Variants in EYA4 observed in about 807,000 individuals in gnomAD.
EYA4 encodes the protein protein phosphatase EYA4.
A neutral mutation model predicts 87.9 loss-of-function variants in EYA4; 31 were observed. That is an observed-to-expected ratio of 0.35 (90% CI 0.27 to 0.48). EYA4 has a LOEUF of 0.48. Ranked by LOEUF, EYA4 falls within the 20% of genes least tolerant of loss-of-function variation. The pLI is 0.99. For synonymous variants in EYA4, 263 were observed against 270.6 expected, an observed-to-expected ratio of 0.97 and a Z score of 0.28; for missense variants, 678 against 761.4, an observed-to-expected ratio of 0.89 and a Z score of 1.29.
chr6:133,274,833 T>G lies in EYA4; in HGVS notation c.33+20T>G. The G allele has an allele frequency of 6.2e-7, 1 of 1,611,732 alleles. No homozygotes were observed. Among genetic ancestry groups the G allele is most frequent in the Non-Finnish European group, 8.5e-7 (1 of 1,178,090 alleles). The stretch of plus-strand genomic sequence containing the variant: ...CAATCAGTAAGTCTTCATTCTCAGT[T>G]TTGCTGAAAAAAGTTGCGATAACAC... On this transcript the variant is annotated intron_variant, in intron 2 of 19. Coordinates refer to ENST00000355286, the MANE Select transcript of EYA4 (RefSeq NM_004100.5).
intron 2 of EYA4, among the ~76,000 whole-genome samples, chr6:133,352,017 A>G (rs2128426984): frequency 6.6e-6 from 1 of 152,000 alleles, no homozygotes; most frequent in South Asian, 2.1e-4. Context: ...GATAGTATTT[A>G]TTGAATCTCT....
At chr6:133,261,802 G>GTTT (rs921919972) in intron 1 of EYA4, among the ~76,000 whole-genome samples, 8 of 152,048 alleles carry the variant, frequency 5.3e-5, no homozygotes, top group African/African-American at 1.7e-4. Flanking sequence ...ATAAAAACAG[G>GTTT]TTTTCTTCCA....
At chr6:133,447,755 GTTTA>G (rs889443992) in intron 4 of EYA4, among the ~76,000 whole-genome samples, 1 of 152,058 alleles carries the variant, frequency 6.6e-6, no homozygotes, top group African/African-American at 2.4e-5. Flanking sequence ...TGTTTATGAT[GTTTA>G]TTTGTCTCTA....
At chr6:133,406,845 A>G (rs3822931) in intron 3 of EYA4, among the ~76,000 whole-genome samples, 4,306 of 152,274 alleles carry the variant, frequency 0.028, 160 homozygotes, top group East Asian at 0.087. Flanking sequence ...TCAGTCTTCT[A>G]TAGGTTTTCG....
At chr6:133,468,486 AC>A in intron 10 of EYA4, 79 bp from the exon 11 acceptor site, 3 of 1,154,588 alleles carry the variant, frequency 2.6e-6, no homozygotes, top group Non-Finnish European at 3.9e-6. Context: ...TCTTTCAGTT[AC>A]CATAATGACT....
chr6:133,268,299 T>C (rs1035414979), intron 1 of EYA4, among the ~76,000 whole-genome samples: 9 of 152,220 alleles, frequency 5.9e-5, no homozygotes, highest in Admixed American at 5.9e-4. Flanking sequence ...GGGGCTGTTT[T>C]TCTTTATTCA....
intron 2 of EYA4, among the ~76,000 whole-genome samples, chr6:133,286,541 T>C (rs546942948): frequency 6.6e-6 from 1 of 152,234 alleles, no homozygotes; most frequent in South Asian, 2.1e-4. Flanking sequence ...CAATGAGTTA[T>C]GTCATAGACT....
intron 3 of EYA4, among the ~76,000 whole-genome samples, chr6:133,419,252 G>A (rs1790017139): frequency 6.6e-6 from 1 of 152,172 alleles, no homozygotes; most frequent in Non-Finnish European, 1.5e-5. Flanking sequence ...CGTGAGGGAT[G>A]TATTTTCCCA....
intron 13 of EYA4, among the ~76,000 whole-genome samples, chr6:133,490,393 C>CA (rs58462211): frequency 0.049 from 7,176 of 145,768 alleles, 529 homozygotes; most frequent in African/African-American, 0.15. Flanking sequence ...TAAAAAAAAA[C>CA]AAAAAAAAAC....
At chr6:133,358,454 T>G (rs1784229595) in intron 2 of EYA4, among the ~76,000 whole-genome samples, 1 of 152,206 alleles carries the variant, frequency 6.6e-6, no homozygotes, top group African/African-American at 2.4e-5. Context: ...ATCTATAAAG[T>G]CATACTTCTA....
At chr6:133,385,990 G>T (rs1786717546) in intron 3 of EYA4, among the ~76,000 whole-genome samples, 6 of 152,120 alleles carry the variant, frequency 3.9e-5, no homozygotes, top group Admixed American at 3.9e-4. Flanking sequence ...TTGATGTCAT[G>T]TGGAAAGGGA....
chr6:133,261,818 A>G (rs1775818873), intron 1 of EYA4, among the ~76,000 whole-genome samples: 1 of 150,956 alleles, frequency 6.6e-6, no homozygotes, highest in South Asian at 2.1e-4. Context: ...TTCCACTCTC[A>G]CTAGCAAGCA....
intron 13 of EYA4, among the ~76,000 whole-genome samples, chr6:133,494,674 C>CAA (rs369090290): frequency 0.015 from 1,671 of 113,042 alleles, 33 homozygotes; most frequent in African/African-American, 0.041. Context: ...CCTGCCTCTA[C>CAA]AAAAAAAAAA....
rs1800904768 is a variant in EYA4 at position 133,529,811 on chromosome 6, A to C, written c.*1006A>C. 3.0e-6 allele frequency: 3 copies of C among 985,248 alleles called. No homozygotes were observed. In the South Asian group the frequency reaches 1.4e-4, roughly 46 times the overall value. The allele number at this position is 985,248 out of a possible 1,614,324, so 61.0% of individuals were successfully genotyped here. On this transcript the variant is annotated 3_prime_UTR_variant, in exon 20 of 20. Coordinates refer to ENST00000355286, the MANE Select transcript of EYA4 (RefSeq NM_004100.5). ...TAGAAGTCTCAAGTACCCCTTCTAC[A>C]GTTTTACTGGAGAAAACTAAGAGCC... is the stretch of plus-strand genomic sequence containing the variant.
At chr6:133,295,967 C>A (rs1176363967) in intron 2 of EYA4, among the ~76,000 whole-genome samples, 1 of 152,110 alleles carries the variant, frequency 6.6e-6, no homozygotes, top group African/African-American at 2.4e-5. Context: ...GAGAAAAGAG[C>A]AAAGCAGTGT....
At chr6:133,444,691 G>C (rs1792635303) in intron 3 of EYA4, among the ~76,000 whole-genome samples, 1 of 151,970 alleles carries the variant, frequency 6.6e-6, no homozygotes, top group African/African-American at 2.4e-5. Flanking sequence ...GTGTGCTCTT[G>C]GGCACAGTGA....
At chr6:133,336,511 A>G (rs572581385) in intron 2 of EYA4, among the ~76,000 whole-genome samples, 33 of 152,364 alleles carry the variant, frequency 2.2e-4, no homozygotes, top group African/African-American at 7.9e-4. Context: ...AAATTATACC[A>G]TAAGGTGAGA....
intron 2 of EYA4, among the ~76,000 whole-genome samples, chr6:133,339,903 A>G (rs1450491657): frequency 6.6e-6 from 1 of 152,194 alleles, no homozygotes; most frequent in Admixed American, 6.5e-5. Flanking sequence ...GCTTAGTAAC[A>G]TGATGTCAAA....
intron 3 of EYA4, among the ~76,000 whole-genome samples, chr6:133,406,254 A>C (rs1394230357): frequency 6.6e-6 from 1 of 152,210 alleles, no homozygotes; most frequent in Non-Finnish European, 1.5e-5. Context: ...AAATAATCAG[A>C]GATAAGACAC....
Sources: gnomAD v4.1 joint callset for allele counts (sites outside exome capture counted in the v4.1 genomes callset) on GRCh38, gnomAD v4.1.1 for gene constraint, MANE v1.5 for transcripts, NCBI Gene and HGNC (gene_info 2026-07-23, HGNC 2026-07-21) for gene names.